The following SRGAP3 variants were observed in gnomAD, a reference collection of about 807,000 sequenced individuals.
SRGAP3 encodes the protein SLIT-ROBO Rho GTPase activating protein 3.
Under a neutral mutation model 121.1 loss-of-function variants are expected in SRGAP3, and 39 were observed. That is an observed-to-expected ratio of 0.32 (90% CI 0.25 to 0.42). The LOEUF is 0.42. SRGAP3 is among the 10% of genes least tolerant of loss of function. The pLI is 1.00. For synonymous variants in SRGAP3, 601 were observed against 570.0 expected, an observed-to-expected ratio of 1.05 and a Z score of -0.77; for missense variants, 1,213 against 1,470.6, an observed-to-expected ratio of 0.82 and a Z score of 2.86.
chr3:9,207,779 C>G (rs1431941399), intron 1 of SRGAP3, among the ~76,000 whole-genome samples: 1 of 152,148 alleles, frequency 6.6e-6, no homozygotes, highest in Non-Finnish European at 1.5e-5. Context: ...AGAAGCAATT[C>G]TCCAAGAGGG....
At chr3:9,227,639 T>C (rs572862102) in intron 1 of SRGAP3, among the ~76,000 whole-genome samples, 2 of 152,380 alleles carry the variant, frequency 1.3e-5, no homozygotes, top group African/African-American at 4.8e-5. Context: ...TTGTGAATTG[T>C]GCTTTGGTGT....
intron 9 of SRGAP3, among the ~76,000 whole-genome samples, chr3:9,051,219 G>A (rs568672212): frequency 3.3e-5 from 5 of 151,994 alleles, no homozygotes; most frequent in South Asian, 4.2e-4. Flanking sequence ...CTATGTTGCC[G>A]AAGCTGGTCT....
At chr3:9,033,416 CTT>C (rs34713254) in intron 11 of SRGAP3, 8,402 of 145,880 alleles carry the variant, frequency 0.058, 811 homozygotes, top group African/African-American at 0.2. Context: ...TCTTTTCTTT[CTT>C]TTTTTTTTTT....
chr3:9,162,345 T>C (rs1444703045), intron 1 of SRGAP3, among the ~76,000 whole-genome samples: 2 of 152,200 alleles, frequency 1.3e-5, no homozygotes, highest in African/African-American at 2.4e-5. Flanking sequence ...AACCTCAGTA[T>C]ATGCAAAGAT....
intron 6 of SRGAP3, chr3:9,058,706 C>A: frequency 4.9e-6 from 2 of 408,312 alleles, no homozygotes; most frequent in African/African-American, 3.9e-5. Flanking sequence ...CACCATCTTT[C>A]TCTCTCTCTT....
chr3:9,028,196 C>A, intron 12 of SRGAP3: 1 of 1,600,746 alleles, frequency 6.2e-7, no homozygotes, highest in South Asian at 1.1e-5. Context: ...GGAATAAGAT[C>A]AGTTAGAGTA....
At position 9,141,553 on chromosome 3, in the gene SRGAP3, G is replaced by GTGTGTGTGTGTGTGTGTGT. The variant is rs1949847755; in HGVS notation, c.68-16637_68-16636insACACACACACACACACACA. On this transcript the variant is annotated intron_variant, in intron 1 of 21. Transcript: ENST00000383836. ...GAAACAAGAAGGATCTGACTTCAGGGGTGTGTGTGTGTGTGTGTGTGTGTG... is the reference window on the plus strand; with the variant it reads ...GAAACAAGAAGGATCTGACTTCAGGGTGTGTGTGTGTGTGTGTGTGTGTGTGTGTGTGTGTGTGTGTGTG... Among the ~76,000 whole-genome samples the GTGTGTGTGTGTGTGTGTGT allele has an allele frequency of 1.4e-4, 19 of 138,462 alleles. 1 individual carries two copies. The highest frequency in any genetic ancestry group is 4.1e-4 in the African/African-American group (15 of 36,470). 90.8% of individuals were successfully genotyped at this position (138,462 alleles called of 152,430 possible).
intron 14 of SRGAP3, among the ~76,000 whole-genome samples, chr3:9,023,777 T>C (rs1284133216): frequency 6.6e-6 from 1 of 152,176 alleles, no homozygotes; most frequent in Non-Finnish European, 1.5e-5. Flanking sequence ...AAGGAGGTCC[T>C]GGGGCTCCCT....
At chr3:9,346,228 CTA>C (rs1467801476) in intron 1 of SRGAP3, among the ~76,000 whole-genome samples, 1 of 151,366 alleles carries the variant, frequency 6.6e-6, no homozygotes, top group Non-Finnish European at 1.5e-5. Context: ...TGTTGTTTTT[CTA>C]TCTTTAAATT....
intron 1 of SRGAP3, among the ~76,000 whole-genome samples, chr3:9,150,847 C>T (rs146225199): frequency 5.3e-4 from 81 of 152,350 alleles, no homozygotes; most frequent in Non-Finnish European, 1.1e-3. Flanking sequence ...TAATGGACCA[C>T]ATCTTGCAAG....
chr3:9,347,504 C>T (rs933392466), intron 1 of SRGAP3, among the ~76,000 whole-genome samples: 7 of 152,192 alleles, frequency 4.6e-5, no homozygotes, highest in Admixed American at 2.0e-4. Flanking sequence ...CTAATCTAAG[C>T]ATAAACAAGG....
intron 1 of SRGAP3, among the ~76,000 whole-genome samples, chr3:9,137,959 G>C (rs1043793196): frequency 6.6e-6 from 1 of 152,170 alleles, no homozygotes; most frequent in Non-Finnish European, 1.5e-5. Context: ...TAATATTCAC[G>C]GTTTTGCTGC....
rs527957132 is a variant in SRGAP3 at position 9,239,709 on chromosome 3, T to A, written c.67+9176A>T. Among the ~76,000 whole-genome samples, 2 of 152,314 alleles carry A rather than the reference T, an allele frequency of 1.3e-5. No individual in the cohort carries two copies. The highest frequency in any genetic ancestry group is 1.3e-4 in the Admixed American group (2 of 15,298). ...ACCATTTAAATCAATGGTTGAGCACTCTGTAATTGGAAATGTCAAAATCCA... is the reference window on the plus strand; with the variant it reads ...ACCATTTAAATCAATGGTTGAGCACACTGTAATTGGAAATGTCAAAATCCA... On this transcript the variant is annotated intron_variant, in intron 1 of 21. Coordinates refer to ENST00000383836, the MANE Select transcript of SRGAP3 (RefSeq NM_014850.4). This position sits in a 1 kb window ranked among gnomAD's most constrained non-coding sequence, Gnocchi z 4.0.
chr3:9,124,874 C>A lies in SRGAP3; in HGVS notation c.111G>T (p.Gln37His). ...GCAGCTGCAGTCGCGACTCTGATTG[C>A]TGCTCCAGACATTTGAACTGCTCCA... ...QLVEQFKCLEQQSESRLQLLQ... is the reference protein window; with the variant it reads ...QLVEQFKCLEHQSESRLQLLQ... Residue 37 changes from glutamine to histidine, a missense_variant, in exon 2 of 22, where the codon CAG becomes CAT. Physicochemically the swap from Gln to His is conservative, Grantham distance 24. Around this residue, in one of 2 missense-constraint regions of SRGAP3, gnomAD observed 793 missense variants for 1,032.9 expected, o/e 0.77. Coordinates refer to ENST00000383836, the MANE Select transcript of SRGAP3 (RefSeq NM_014850.4). 6.2e-7 allele frequency: 1 copy of A among 1,614,216 alleles called. No homozygotes were observed.
intron 3 of SRGAP3, among the ~76,000 whole-genome samples, chr3:9,268,342 C>T (rs149036208): frequency 0.018 from 2,767 of 151,962 alleles, 137 homozygotes; most frequent in Admixed American, 0.11. Context: ...CTCTCTTCCC[C>T]CCTCTCTCTT....
intron 10 of SRGAP3, among the ~76,000 whole-genome samples, chr3:9,045,916 C>T (rs1559995421): frequency 1.3e-5 from 2 of 152,184 alleles, no homozygotes; most frequent in Non-Finnish European, 2.9e-5. Context: ...AGAAGCTGCC[C>T]CCATGGCACC....
chr3:9,331,740 C>T (rs1955610860), intron 1 of SRGAP3, among the ~76,000 whole-genome samples: 2 of 152,120 alleles, frequency 1.3e-5, no homozygotes, highest in Admixed American at 1.3e-4. Flanking sequence ...ATTCTCAGAA[C>T]CCCTGTCCAA....
intron 3 of SRGAP3, among the ~76,000 whole-genome samples, chr3:9,288,222 C>T (rs952795309): frequency 1.9e-4 from 28 of 150,078 alleles, no homozygotes; most frequent in African/African-American, 6.9e-4. Flanking sequence ...ACTGCAACCT[C>T]TGCCTCCCAG....
chr3:9,191,234 G>C (rs967150348), intron 1 of SRGAP3, among the ~76,000 whole-genome samples: 1 of 152,018 alleles, frequency 6.6e-6, no homozygotes, highest in African/African-American at 2.4e-5. Flanking sequence ...ATGGTCTCCC[G>C]GATTATAATG....
Sources: gnomAD v4.1 joint callset for allele counts (sites outside exome capture counted in the v4.1 genomes callset) on GRCh38, gnomAD v4.1.1 for gene constraint, gnomAD v4.1.1 regional missense constraint, Gnocchi (gnomAD v3.1) non-coding constraint, MANE v1.5 for transcripts, NCBI Gene and HGNC (gene_info 2026-07-23, HGNC 2026-07-21) for gene names.